Variants in FARSB observed in about 807,000 individuals in gnomAD.
FARSB encodes the protein phenylalanyl-tRNA synthetase subunit beta.
FARSB carries 40 observed loss-of-function variants against 69.6 expected under a neutral mutation model. That is an observed-to-expected ratio of 0.57 (90% CI 0.45 to 0.75). The LOEUF (loss-of-function observed/expected upper bound fraction) is 0.75, where lower values mean the gene tolerates loss of function less well. FARSB is among the 30% of genes least tolerant of loss of function. The pLI is 0.00. For missense variants in FARSB, 632 were observed against 722.9 expected (o/e 0.87, Z 1.44); for synonymous variants, 235 against 247.2 (o/e 0.95, Z 0.46).
At chr2:222,617,574 A>G (rs1691029085) in intron 14 of FARSB, among the ~76,000 whole-genome samples, 1 of 152,192 alleles carries the variant, frequency 6.6e-6, no homozygotes, top group South Asian at 2.1e-4. Flanking sequence ...GCATGTACTA[A>G]CTGAATCTAA....
intron 1 of FARSB, among the ~76,000 whole-genome samples, chr2:222,652,569 T>G (rs1692065787): frequency 6.6e-6 from 1 of 152,252 alleles, no homozygotes; most frequent in Admixed American, 6.5e-5. Flanking sequence ...ATGTGCTAAG[T>G]AGTCCTATGG....
chr2:222,591,499 T>A (rs1170390057), intron 16 of FARSB, among the ~76,000 whole-genome samples: 1 of 152,210 alleles, frequency 6.6e-6, no homozygotes, highest in South Asian at 2.1e-4. Flanking sequence ...TTGGTATTGC[T>A]ACAATCTTAG....
chr2:222,576,387 G>T (rs1049970038), intron 16 of FARSB, among the ~76,000 whole-genome samples: 15 of 151,996 alleles, frequency 9.9e-5, no homozygotes, highest in Non-Finnish European at 2.2e-4. Context: ...AATATAAAGG[G>T]GGGGGCAGGG....
chr2:222,610,671 A>T (rs1690825833), intron 15 of FARSB, among the ~76,000 whole-genome samples: 1 of 152,212 alleles, frequency 6.6e-6, no homozygotes, highest in Non-Finnish European at 1.5e-5. Context: ...CCAGGATGCT[A>T]AATTATCTGA....
At chr2:222,651,009 C>G (rs1328254670) in intron 1 of FARSB, among the ~76,000 whole-genome samples, 1 of 152,158 alleles carries the variant, frequency 6.6e-6, no homozygotes, top group East Asian at 1.9e-4. Context: ...TGGTGTACTG[C>G]TGTAACAAAA....
Position 222,624,288 on chromosome 2 carries a change from T to G in FARSB, c.1154A>C (p.Tyr385Ser). The G allele has an allele frequency of 6.2e-7, 1 of 1,607,064 alleles. No homozygotes were observed. Among genetic ancestry groups the G allele is most frequent in the Non-Finnish European group, 8.5e-7 (1 of 1,174,684 alleles). The change falls in exon 12 of 17, where the codon TAC (tyrosine) becomes TCC (serine). Residue 385 changes from tyrosine (Y) to serine (S), a missense_variant. By Grantham distance (144) the Tyr-to-Ser change is moderately radical. Transcript: ENST00000281828. ...NNIQMTLPKT[Y>S]TIANQFPLNK... The stretch of plus-strand genomic sequence containing the variant: ...CAATCTTACTTGATTAGCTATGGTG[T>G]AAGTTTTCGGGAGAGTCATCTGAAT...
chr2:222,612,537 T>C (rs999000041), intron 15 of FARSB, among the ~76,000 whole-genome samples: 1 of 152,246 alleles, frequency 6.6e-6, no homozygotes, highest in South Asian at 2.1e-4. Flanking sequence ...AAGAATGATA[T>C]GTTTATCCTC....
chr2:222,571,144 A>T lies in FARSB; in HGVS notation c.*727T>A, dbSNP rs1689709340. 6.6e-6 allele frequency: 1 copy of T among 152,220 alleles called. No homozygotes were observed. 9.4% of individuals were successfully genotyped at this position (152,220 alleles called of 1,614,324 possible). The stretch of plus-strand genomic sequence containing the variant: ...AACATGTATGGCCTATGGCAAAAAT[A>T]AGCTTCTCATTGTTTCCTAATGTTC... On this transcript the variant is annotated 3_prime_UTR_variant, in exon 17 of 17. Coordinates refer to ENST00000281828, the MANE Select transcript of FARSB (RefSeq NM_005687.5).
At chr2:222,591,862 T>C (rs866673129) in intron 16 of FARSB, among the ~76,000 whole-genome samples, 2 of 152,320 alleles carry the variant, frequency 1.3e-5, no homozygotes, top group Middle Eastern at 3.4e-3. Flanking sequence ...TAATTTAAAG[T>C]GTGTCCAGGA....
intron 15 of FARSB, among the ~76,000 whole-genome samples, chr2:222,604,080 T>C (rs556858860): frequency 6.6e-5 from 10 of 152,172 alleles, no homozygotes; most frequent in Non-Finnish European, 1.3e-4. Flanking sequence ...TGGCCAGGCA[T>C]GGTGGCAGGC....
At chr2:222,599,793 T>C (rs143139938) in intron 16 of FARSB, 135 bp downstream of exon 16, 52 of 691,890 alleles carry the variant, frequency 7.5e-5, no homozygotes, top group Non-Finnish European at 1.2e-4. Context: ...TTCTGGATAA[T>C]ATTGACAATT....
chr2:222,655,890 CG>C, intron 1 of FARSB, 125 bp downstream of exon 1: 1 of 742,914 alleles, frequency 1.3e-6, no homozygotes, highest in Non-Finnish European at 2.3e-6. Context: ...GGCCTTCCCG[CG>C]TAAACCCCGG....
chr2:222,592,285 C>A (rs1574917697), intron 16 of FARSB, among the ~76,000 whole-genome samples: 1 of 152,070 alleles, frequency 6.6e-6, no homozygotes, highest in South Asian at 2.1e-4. Flanking sequence ...ATGTGTTTTC[C>A]TTCTTTCCAG....
At chr2:222,654,817 A>T (rs933880336) in intron 1 of FARSB, among the ~76,000 whole-genome samples, 3 of 152,188 alleles carry the variant, frequency 2.0e-5, no homozygotes, top group African/African-American at 7.2e-5. Flanking sequence ...CATTAAACCA[A>T]TTAGGCCTTT....
chr2:222,636,010 G>A (rs1449474583), intron 5 of FARSB, among the ~76,000 whole-genome samples: 1 of 151,032 alleles, frequency 6.6e-6, no homozygotes, highest in African/African-American at 2.4e-5. Flanking sequence ...AGCCAGGAAG[G>A]TCAAGGCTAT....
Position 222,639,655 on chromosome 2 carries a change from C to A in FARSB, c.380G>T (p.Arg127Leu). ...TCGATCTTTAGTAAACTTTATATTACGGAGAACTGCTGCTACCGCAAAAGG... is the reference window on the plus strand; with the variant it reads ...TCGATCTTTAGTAAACTTTATATTAAGGAGAACTGCTGCTACCGCAAAAGG... Reference protein sequence around the residue: ...IRPFAVAAVLRNIKFTKDRYD... With the variant: ...IRPFAVAAVLLNIKFTKDRYD... Residue 127 changes from arginine to leucine, a missense_variant, in exon 5 of 17, where the codon CGT (arginine) becomes CTT (leucine). Coordinates refer to ENST00000281828, the MANE Select transcript of FARSB (RefSeq NM_005687.5). The A allele has an allele frequency of 6.3e-7, 1 of 1,587,518 alleles. No homozygotes were observed. The highest frequency in any genetic ancestry group is 8.6e-7 in the Non-Finnish European group (1 of 1,164,406).
chr2:222,600,234 G>T, intron 15 of FARSB, 151 bp from the exon 16 acceptor site: 1 of 598,438 alleles, frequency 1.7e-6, no homozygotes, highest in Non-Finnish European at 2.7e-6. Flanking sequence ...TGCAAAATAA[G>T]ATAAAATAGT....
At chr2:222,651,356 G>A (rs1224947699) in intron 1 of FARSB, among the ~76,000 whole-genome samples, 3 of 152,170 alleles carry the variant, frequency 2.0e-5, no homozygotes, top group Non-Finnish European at 4.4e-5. Context: ...AAACAAAAAT[G>A]AGCCAGGATG....
Position 222,655,158 on chromosome 2 carries a change from T to C in FARSB, c.58+858A>G, listed in dbSNP as rs552308120. Reference sequence around the variant, plus strand: ...TTGCTGTCAGCCGAGATCGCGCCACTGCACTCCAGCCTGGGAGTGCAGACT... The same window carrying C: ...TTGCTGTCAGCCGAGATCGCGCCACCGCACTCCAGCCTGGGAGTGCAGACT... On this transcript the variant is annotated intron_variant, in intron 1 of 16. Coordinates refer to ENST00000281828, the MANE Select transcript of FARSB (RefSeq NM_005687.5). Among the ~76,000 whole-genome samples the C allele has an allele frequency of 8.9e-4, 136 of 152,050 alleles. 2 individuals carry two copies. Among genetic ancestry groups the C allele is most frequent in the Non-Finnish European group, 1.6e-3 (108 of 67,966 alleles).
Sources: allele counts gnomAD v4.1 joint callset (sites outside exome capture counted in the v4.1 genomes callset), GRCh38; gene constraint gnomAD v4.1.1; transcripts MANE v1.5; gene names NCBI Gene and HGNC (gene_info 2026-07-23, HGNC 2026-07-21).